The following GALNT18 variants were observed in gnomAD, a reference collection of about 807,000 sequenced individuals.
GALNT18 encodes GalNAc-transferase 18.
A neutral mutation model predicts 69.5 loss-of-function variants in GALNT18; 44 were observed. That is an observed-to-expected ratio of 0.63 (90% CI 0.50 to 0.81). The LOEUF is 0.81. Among genes scored for constraint, GALNT18 ranks in the 40% least tolerant of loss-of-function variants. GALNT18 has a pLI of 0.00. For synonymous variants in GALNT18, 364 were observed against 318.2 expected (o/e 1.14, Z -1.53); for missense variants, 715 against 810.0 (o/e 0.88, Z 1.42).
At chr11:11,539,799 C>G (rs1465926053) in intron 1 of GALNT18, among the ~76,000 whole-genome samples, 2 of 152,152 alleles carry the variant, frequency 1.3e-5, no homozygotes, top group Non-Finnish European at 1.5e-5. Flanking sequence ...GAAAACAAAA[C>G]AAAACCTTAG....
At chr11:11,281,140 C>A (rs1309987052) in intron 10 of GALNT18, among the ~76,000 whole-genome samples, 2 of 152,174 alleles carry the variant, frequency 1.3e-5, no homozygotes, top group Non-Finnish European at 2.9e-5. Context: ...GGCAGGGGAC[C>A]AAAACCAGCC....
rs537625274 is a variant in GALNT18, at chr11:11,338,418, GA to G, written c.1278+2400del. 5.1e-3 allele frequency among the ~76,000 whole-genome samples: 769 copies of G among 152,264 alleles called. 6 individuals are homozygous for G. The highest frequency in any genetic ancestry group is 0.018 in the African/African-American group (742 of 41,542). ...TGTGGCAGAGAAAAAAACAGGGCCT[GA>G]ATGCAGACATGAGGGGAGGTCGGGG... On this transcript the variant is annotated intron_variant, in intron 7 of 10. Transcript: ENST00000227756. The surrounding 1 kb of genome is among the most constrained non-coding windows in gnomAD (Gnocchi z 5.3).
rs1856838856 is a variant in GALNT18 at position 11,494,813 on chromosome 11, T to G, written c.236-45877A>C. Among the ~76,000 whole-genome samples, 1 of 152,208 alleles carries G rather than the reference T, an allele frequency of 6.6e-6. No homozygotes were observed. Among genetic ancestry groups the G allele is most frequent in the African/African-American group, 2.4e-5 (1 of 41,460 alleles). On this transcript the variant is annotated intron_variant, in intron 1 of 10. Coordinates refer to ENST00000227756, the MANE Select transcript of GALNT18 (RefSeq NM_198516.3). The surrounding 1 kb of genome is among the most constrained non-coding windows in gnomAD (Gnocchi z 5.7). ...TTATTCAAAGCTGGTGTAAGACTAA[T>G]GTTCTCATTGGAGGGGAAGTATTTT...
At chr11:11,298,335 C>T (rs771616963) in intron 9 of GALNT18, among the ~76,000 whole-genome samples, 2 of 152,252 alleles carry the variant, frequency 1.3e-5, no homozygotes, top group Non-Finnish European at 2.9e-5. Context: ...GCTACTGCCA[C>T]TTTTAAGGAT....
At chr11:11,539,294 A>G (rs975714183) in intron 1 of GALNT18, among the ~76,000 whole-genome samples, 5 of 152,114 alleles carry the variant, frequency 3.3e-5, no homozygotes, top group Non-Finnish European at 7.3e-5. Flanking sequence ...CCTCCCCCAC[A>G]GTCTTCCCTT....
At chr11:11,438,496 T>C (rs1855459541) in intron 2 of GALNT18, among the ~76,000 whole-genome samples, 1 of 152,190 alleles carries the variant, frequency 6.6e-6, no homozygotes, top group South Asian at 2.1e-4. Flanking sequence ...TTTTCCCCAT[T>C]TTATTCCTTT....
At position 11,584,162 on chromosome 11, in the gene GALNT18, T is replaced by C. The variant is rs1025538848; in HGVS notation, c.235+37197A>G. Among the ~76,000 whole-genome samples the C allele has an allele frequency of 1.1e-4, 17 of 151,986 alleles. No homozygotes were observed. The highest frequency in any genetic ancestry group is 5.2e-4 in the Admixed American group (8 of 15,258). On this transcript the variant is annotated intron_variant, in intron 1 of 10. Coordinates refer to ENST00000227756, the MANE Select transcript of GALNT18 (RefSeq NM_198516.3). This position sits in a 1 kb window ranked among gnomAD's most constrained non-coding sequence, Gnocchi z 4.1. Reference sequence around the variant, plus strand: ...GCCCCTGAGATTCCAGGGAACTTGGTTCCAAATGGTAGGACAAGTGGGCCA... The same window carrying C: ...GCCCCTGAGATTCCAGGGAACTTGGCTCCAAATGGTAGGACAAGTGGGCCA...
At chr11:11,329,726 C>A (rs1289957150) in intron 8 of GALNT18, among the ~76,000 whole-genome samples, 1 of 152,158 alleles carries the variant, frequency 6.6e-6, no homozygotes, top group African/African-American at 2.4e-5. Flanking sequence ...AGGAGACAGT[C>A]AACACTCGTG....
Position 11,619,975 on chromosome 11 carries a change from C to G in GALNT18, c.235+1384G>C, listed in dbSNP as rs1175832042. Among the ~76,000 whole-genome samples, 1 of 152,166 alleles carries G rather than the reference C, an allele frequency of 6.6e-6. No individual in the cohort carries two copies. Among genetic ancestry groups the G allele is most frequent in the Non-Finnish European group, 1.5e-5 (1 of 68,030 alleles). Reference sequence around the variant, plus strand: ...ATGTGGATGCCTCTCCTGCACTCACCTGAACCTCCCTGAACCTTCCCCTCC... The same window carrying G: ...ATGTGGATGCCTCTCCTGCACTCACGTGAACCTCCCTGAACCTTCCCCTCC... On this transcript the variant is annotated intron_variant, in intron 1 of 10. Transcript: ENST00000227756. The surrounding 1 kb of genome is among the most constrained non-coding windows in gnomAD (Gnocchi z 4.9).
At chr11:11,420,344 G>T (rs1055499137) in intron 3 of GALNT18, among the ~76,000 whole-genome samples, 1 of 152,112 alleles carries the variant, frequency 6.6e-6, no homozygotes, top group Non-Finnish European at 1.5e-5. Flanking sequence ...CTCATCTTCC[G>T]AAAGATAATT....
At chr11:11,473,468 G>A (rs1856318080) in intron 1 of GALNT18, among the ~76,000 whole-genome samples, 1 of 152,140 alleles carries the variant, frequency 6.6e-6, no homozygotes, top group African/African-American at 2.4e-5. Context: ...TGCAAGATCC[G>A]ATTAATGCTG....
At chr11:11,466,308 A>G (rs1856155017) in intron 1 of GALNT18, among the ~76,000 whole-genome samples, 1 of 152,192 alleles carries the variant, frequency 6.6e-6, no homozygotes, top group Non-Finnish European at 1.5e-5. Context: ...TGAAATCCCT[A>G]CCCTCCTTTC....
intron 3 of GALNT18, among the ~76,000 whole-genome samples, chr11:11,397,800 A>G (rs536972313): frequency 1.3e-5 from 2 of 152,312 alleles, no homozygotes; most frequent in Middle Eastern, 3.4e-3. Flanking sequence ...AAAAGGGCAT[A>G]GAAAGAAAAT....
intron 7 of GALNT18, among the ~76,000 whole-genome samples, chr11:11,335,209 G>A (rs1033054011): frequency 2.0e-5 from 3 of 152,150 alleles, no homozygotes; most frequent in Non-Finnish European, 2.9e-5. Context: ...CCCTCCATAC[G>A]ATCGAGTAAA....
chr11:11,559,645 C>CAATGG (rs1554951570), intron 1 of GALNT18, among the ~76,000 whole-genome samples: 3 of 149,346 alleles, frequency 2.0e-5, no homozygotes, highest in Non-Finnish European at 3.0e-5. Flanking sequence ...GGATGGGATG[C>CAATGG]GATGGGATGG....
At chr11:11,407,708 G>A (rs1196757284) in intron 3 of GALNT18, among the ~76,000 whole-genome samples, 1 of 152,208 alleles carries the variant, frequency 6.6e-6, no homozygotes, top group African/African-American at 2.4e-5. Flanking sequence ...TTTGGCCACT[G>A]AACTTAATAA....
At chr11:11,522,678 G>A (rs1428023077) in intron 1 of GALNT18, among the ~76,000 whole-genome samples, 1 of 152,108 alleles carries the variant, frequency 6.6e-6, no homozygotes, top group Non-Finnish European at 1.5e-5. Context: ...TTTTCTGGAT[G>A]TTGAAACACA....
intron 1 of GALNT18, among the ~76,000 whole-genome samples, chr11:11,607,237 A>G (rs183834251): frequency 1.2e-3 from 183 of 152,382 alleles, no homozygotes; most frequent in African/African-American, 4.1e-3. Flanking sequence ...GTTGAAAAAT[A>G]AGCAAAACTC....
chr11:11,508,496 G>A (rs145534257), intron 1 of GALNT18, among the ~76,000 whole-genome samples: 29 of 152,302 alleles, frequency 1.9e-4, no homozygotes, highest in African/African-American at 5.5e-4. Flanking sequence ...TTTCTCCATC[G>A]TAAAAGTACT....
Sources: allele counts gnomAD v4.1 joint callset (sites outside exome capture counted in the v4.1 genomes callset), GRCh38; gene constraint gnomAD v4.1.1; non-coding constraint Gnocchi (gnomAD v3.1); transcripts MANE v1.5; gene names NCBI Gene and HGNC (gene_info 2026-07-23, HGNC 2026-07-21).